OPHN1: variants seen among roughly 807,000 people sequenced by gnomAD.
OPHN1 encodes oligophrenin 1, also known as oligophrenin-1.
A neutral mutation model predicts 60.7 loss-of-function variants in OPHN1; 11 were observed. The observed-to-expected ratio is 0.18, with a 90% CI of 0.11 to 0.30. The LOEUF (loss-of-function observed/expected upper bound fraction) is 0.30, where lower values mean the gene tolerates loss of function less well. Ranked by LOEUF, OPHN1 falls within the 10% of genes least tolerant of loss-of-function variation. The pLI is 1.00. For synonymous variants in OPHN1, 226 were observed against 222.6 expected (o/e 1.02, Z -0.14); for missense variants, 449 against 611.0 (o/e 0.73, Z 2.80).
intron 5 of OPHN1, among the ~76,000 whole-genome samples, chrX:68,254,427 C>A (rs1054983724): frequency 9.0e-6 from 1 of 111,059 alleles, no homozygotes; most frequent in Admixed American, 9.6e-5. Context: ...TAGAGTCCAG[C>A]ATCTCTATTC....
chrX:68,293,668 G>A (rs1413434028), intron 3 of OPHN1, among the ~76,000 whole-genome samples: 1 of 111,923 alleles, frequency 8.9e-6, no homozygotes, highest in Non-Finnish European at 1.9e-5. Context: ...CCTAATGGAT[G>A]CCATGCTCTG....
intron 2 of OPHN1, among the ~76,000 whole-genome samples, chrX:68,348,324 T>C (rs1435005605): frequency 1.6e-5 from 1 of 61,903 alleles, no homozygotes; most frequent in East Asian, 3.6e-4. Context: ...TCTAATTAGG[T>C]TTTTGAGGAG....
At chrX:68,421,151 A>G (rs1451120380) in intron 2 of OPHN1, among the ~76,000 whole-genome samples, 1 of 112,138 alleles carries the variant, frequency 8.9e-6, no homozygotes, top group African/African-American at 3.2e-5. Context: ...TTCACAAAGC[A>G]AAAGCAAACA....
chrX:68,154,737 A>G (rs746937120), intron 15 of OPHN1, among the ~76,000 whole-genome samples: 17 of 111,483 alleles, frequency 1.5e-4, no homozygotes, highest in Admixed American at 3.9e-4. Context: ...TATGTATTTC[A>G]TATTTTCTGT....
chrX:68,338,346 T>C (rs1479495822), intron 2 of OPHN1, among the ~76,000 whole-genome samples: 1 of 112,437 alleles, frequency 8.9e-6, no homozygotes, highest in Non-Finnish European at 1.9e-5. Flanking sequence ...ATATGCTACT[T>C]CATTAAACAA....
chrX:68,095,987 G>A (rs1364908043), intron 19 of OPHN1, among the ~76,000 whole-genome samples: 1 of 111,575 alleles, frequency 9.0e-6, no homozygotes, highest in Non-Finnish European at 1.9e-5. Flanking sequence ...ATGAGATGGG[G>A]TTCGAATAAG....
chrX:68,266,355 G>C (rs1314068145), intron 5 of OPHN1, among the ~76,000 whole-genome samples: 5 of 111,841 alleles, frequency 4.5e-5, no homozygotes, highest in Non-Finnish European at 9.4e-5. Flanking sequence ...GAAGCCAAAA[G>C]AGAGTGGGGG....
chrX:68,071,277 A>G, intron 20 of OPHN1: 1 of 725,307 alleles, frequency 1.4e-6, no homozygotes. Flanking sequence ...GAGCAGTGCC[A>G]AAAGCACCAT....
intron 12 of OPHN1, among the ~76,000 whole-genome samples, chrX:68,195,588 C>T (rs1200689203): frequency 1.8e-5 from 2 of 111,776 alleles, no homozygotes; most frequent in African/African-American, 6.5e-5. Context: ...TAGGCAAAGG[C>T]ATGGATGAGA....
rs1489820767 is a variant in OPHN1 at position 68,269,723 on chromosome X, C to A, written c.384+5015G>T. On this transcript the variant is annotated intron_variant, in intron 5 of 24. Transcript: ENST00000355520. ...ACACCAAAAGCAATGGCAACAAAAG[C>A]CAAAATTGACAAATGGGATCTAATT... is the stretch of plus-strand genomic sequence containing the variant. Among the ~76,000 whole-genome samples, 32 of 111,644 alleles carry A rather than the reference C, an allele frequency of 2.9e-4. No individual in the cohort carries two copies. In the East Asian group the frequency reaches 3.7e-3, roughly 13 times the overall value.
At chrX:68,342,800 G>A (rs998827601) in intron 2 of OPHN1, among the ~76,000 whole-genome samples, 1 of 110,466 alleles carries the variant, frequency 9.1e-6, no homozygotes, top group African/African-American at 3.3e-5. Flanking sequence ...AATTAGCCAG[G>A]TGCAGTGGCA....
At chrX:68,065,838 T>A (rs946089728) in intron 20 of OPHN1, among the ~76,000 whole-genome samples, 5 of 112,150 alleles carry the variant, frequency 4.5e-5, no homozygotes, top group African/African-American at 1.6e-4. Flanking sequence ...AAAGTTTCCA[T>A]GGGGGAAGTC....
intron 5 of OPHN1, among the ~76,000 whole-genome samples, chrX:68,264,164 C>G (rs1321132329): frequency 9.0e-6 from 1 of 111,350 alleles, no homozygotes; most frequent in Non-Finnish European, 1.9e-5. Context: ...TAGAAGAAAA[C>G]CTAGGCAATA....
intron 24 of OPHN1, 45 bp from the exon 25 acceptor site, chrX:68,047,208 A>C (rs1029007177): frequency 2.7e-5 from 3 of 111,940 alleles, no homozygotes; most frequent in Non-Finnish European, 5.6e-5. Flanking sequence ...GGACTGGTCA[A>C]GTACTTAACA....
chrX:68,048,395 T>G (rs1269492262), intron 24 of OPHN1, 21 bp downstream of exon 24: 1 of 1,194,574 alleles, frequency 8.4e-7, no homozygotes. Context: ...GATTTTGTAA[T>G]CAGGGATGGG....
At chrX:68,301,067 A>C (rs1170755022) in intron 2 of OPHN1, among the ~76,000 whole-genome samples, 1 of 111,692 alleles carries the variant, frequency 9.0e-6, no homozygotes, top group East Asian at 2.8e-4. Flanking sequence ...TACTGCTCCC[A>C]ACTACATAAA....
intron 2 of OPHN1, among the ~76,000 whole-genome samples, chrX:68,417,075 A>ATATTTATTTATT (rs200001381): frequency 2.3e-4 from 23 of 101,362 alleles, no homozygotes; most frequent in African/African-American, 6.0e-4. Flanking sequence ...ATTCCTTTTT[A>ATATTTATTTATT]TATTTATTTA....
intron 6 of OPHN1, among the ~76,000 whole-genome samples, chrX:68,228,645 A>G (rs143865535): frequency 0.029 from 3,228 of 111,291 alleles, 118 homozygotes; most frequent in African/African-American, 0.1. Flanking sequence ...ATATAAACAG[A>G]ACCAAAGACA....
At chrX:68,137,605 G>A (rs965058591) in intron 15 of OPHN1, among the ~76,000 whole-genome samples, 25 of 111,504 alleles carry the variant, frequency 2.2e-4, no homozygotes, top group African/African-American at 7.5e-4. Context: ...AGACTAGAAC[G>A]GACATCTTGT....
Sources: gnomAD v4.1 joint callset for allele counts (sites outside exome capture counted in the v4.1 genomes callset) on GRCh38, gnomAD v4.1.1 for gene constraint, MANE v1.5 for transcripts, NCBI Gene and HGNC (gene_info 2026-07-23, HGNC 2026-07-21) for gene names.